The following PCNX1 variants were observed in gnomAD, a reference collection of about 807,000 sequenced individuals.
PCNX1 encodes pecanex 1.
A neutral mutation model predicts 242.2 loss-of-function variants in PCNX1; 78 were observed. The ratio of observed to expected loss-of-function variants is 0.32; its 90% CI spans 0.27 to 0.39. PCNX1 has a LOEUF of 0.39. Ranked by LOEUF, PCNX1 falls within the 10% of genes least tolerant of loss-of-function variation. The probability of loss-of-function intolerance (pLI) is 1.00; values close to 1 mark genes in which losing one functional copy is unlikely to be tolerated. For missense variants in PCNX1, 2,581 were observed against 2,856.5 expected (o/e 0.90, Z 2.20); for synonymous variants, 1,024 against 1,032.9 (o/e 0.99, Z 0.17).
intron 2 of PCNX1, among the ~76,000 whole-genome samples, chr14:70,947,816 T>C (rs530273340): frequency 1.6e-4 from 25 of 152,216 alleles, no homozygotes; most frequent in Non-Finnish European, 2.9e-4. Flanking sequence ...ATTTCTCTTC[T>C]TGCAAAAGCA....
intron 2 of PCNX1, among the ~76,000 whole-genome samples, chr14:70,948,908 T>TAC (rs1234071423): frequency 1.3e-5 from 2 of 148,452 alleles, no homozygotes; most frequent in Non-Finnish European, 3.0e-5. Flanking sequence ...TACGTGTATA[T>TAC]ACGTATATAT....
At chr14:70,984,542 A>G (rs983674991) in intron 6 of PCNX1, among the ~76,000 whole-genome samples, 8 of 150,634 alleles carry the variant, frequency 5.3e-5, no homozygotes, top group African/African-American at 1.5e-4. Flanking sequence ...GTCCACCACC[A>G]CGCCCGGCTA....
intron 26 of PCNX1, chr14:71,060,615 G>C (rs1377488995): frequency 6.6e-6 from 1 of 152,122 alleles, no homozygotes; most frequent in Non-Finnish European, 1.5e-5. Flanking sequence ...GACTATGAAG[G>C]TGGCAAATCA....
chr14:71,101,582 G>A (rs2062462006), intron 30 of PCNX1, among the ~76,000 whole-genome samples: 1 of 152,076 alleles, frequency 6.6e-6, no homozygotes, highest in African/African-American at 2.4e-5. Context: ...GACTTTATGT[G>A]AAAAGTATCT....
chr14:71,071,947 GT>G (rs2061597267), intron 26 of PCNX1, among the ~76,000 whole-genome samples: 1 of 152,186 alleles, frequency 6.6e-6, no homozygotes, highest in Non-Finnish European at 1.5e-5. Flanking sequence ...GGAATGGCTG[GT>G]CAGTGGAGCA....
chr14:70,929,476 A>T (rs979284775), intron 1 of PCNX1, among the ~76,000 whole-genome samples: 2 of 152,160 alleles, frequency 1.3e-5, no homozygotes, highest in Admixed American at 6.5e-5. Context: ...TAGCAACATG[A>T]CTTGATTTTT....
At chr14:71,023,127 A>C in intron 12 of PCNX1, 73 bp from the exon 13 acceptor site, 2 of 1,035,540 alleles carry the variant, frequency 1.9e-6, no homozygotes, top group African/African-American at 3.1e-5. Flanking sequence ...CATTCATTTC[A>C]GGCATTTTGA....
chr14:71,077,656 A>T (rs1347984747), intron 28 of PCNX1, among the ~76,000 whole-genome samples: 2 of 152,204 alleles, frequency 1.3e-5, no homozygotes, highest in Non-Finnish European at 2.9e-5. Flanking sequence ...AGTGAGTTGG[A>T]TAAAATAACC....
chr14:70,908,061 TGGGGTCGCGCCCTCTTCCTCTTCCAC>T, intron 1 of PCNX1, 58 bp downstream of exon 1: 2 of 1,481,332 alleles, frequency 1.4e-6, no homozygotes, highest in Non-Finnish European at 1.8e-6. Context: ...GGGGAGATGC[TGGGGTCGCGCCCTCTTCCTCTTCCAC>T]GGGGTCTCGT....
chr14:70,978,726 A>T (rs935640985), intron 6 of PCNX1, 78 bp downstream of exon 6: 1 of 1,245,250 alleles, frequency 8.0e-7, no homozygotes, highest in Non-Finnish European at 1.1e-6. Context: ...ACTTACTAAA[A>T]TATGCTTCTG....
At chr14:70,935,930 A>G (rs2056984025) in intron 1 of PCNX1, among the ~76,000 whole-genome samples, 1 of 152,172 alleles carries the variant, frequency 6.6e-6, no homozygotes, top group African/African-American at 2.4e-5. Context: ...TATGACCAGT[A>G]TTTCAGATGG....
chr14:70,919,907 A>AG (rs927327998), intron 1 of PCNX1, among the ~76,000 whole-genome samples: 2 of 152,000 alleles, frequency 1.3e-5, no homozygotes, highest in African/African-American at 4.8e-5. Flanking sequence ...TGAGGTTTTA[A>AG]GGGGGAAAAA....
intron 2 of PCNX1, 47 bp downstream of exon 2, chr14:70,947,170 T>C (rs367612320): frequency 6.6e-5 from 88 of 1,333,012 alleles, no homozygotes; most frequent in Admixed American, 9.6e-5. Flanking sequence ...TTAGATTGTG[T>C]TATCTGTATA....
intron 4 of PCNX1, 53 bp from the exon 5 acceptor site, chr14:70,968,968 C>G: frequency 9.9e-7 from 1 of 1,014,512 alleles, no homozygotes; most frequent in South Asian, 1.3e-5. Flanking sequence ...TTATGCCACC[C>G]TACAGCCTTA....
chr14:70,911,592 A>G (rs929356491), intron 1 of PCNX1, among the ~76,000 whole-genome samples: 1 of 151,994 alleles, frequency 6.6e-6, no homozygotes, highest in South Asian at 2.1e-4. Context: ...GCATTTTTGT[A>G]TGGTGGAAAG....
At chr14:71,021,304 G>A (rs1224977834) in intron 12 of PCNX1, among the ~76,000 whole-genome samples, 1 of 152,106 alleles carries the variant, frequency 6.6e-6, no homozygotes, top group Non-Finnish European at 1.5e-5. Context: ...AAGAAAGTCA[G>A]TGGTAGCTTG....
intron 1 of PCNX1, among the ~76,000 whole-genome samples, chr14:70,945,056 C>T (rs1221637417): frequency 1.3e-5 from 2 of 152,114 alleles, no homozygotes; most frequent in East Asian, 1.9e-4. Context: ...TCCTACAGCC[C>T]CTCTTCCCTC....
At chr14:70,991,160 GT>G (rs1566668354) in intron 7 of PCNX1, among the ~76,000 whole-genome samples, 1 of 149,744 alleles carries the variant, frequency 6.7e-6, no homozygotes, top group African/African-American at 2.5e-5. Flanking sequence ...TTTTTCTAGG[GT>G]TTGGAATACA....
intron 26 of PCNX1, among the ~76,000 whole-genome samples, chr14:71,069,892 CTTTG>C (rs1471531654): frequency 1.3e-5 from 2 of 152,246 alleles, no homozygotes; most frequent in East Asian, 3.9e-4. Flanking sequence ...TTTATTGACT[CTTTG>C]TTTGATGAAG....
Sources: allele counts gnomAD v4.1 joint callset (sites outside exome capture counted in the v4.1 genomes callset), GRCh38; gene constraint gnomAD v4.1.1; transcripts MANE v1.5; gene names NCBI Gene and HGNC (gene_info 2026-07-23, HGNC 2026-07-21).